NEGR1: variants seen among roughly 807,000 people sequenced by gnomAD.
NEGR1 encodes IgLON family member 4.
A neutral mutation model predicts 40.9 loss-of-function variants in NEGR1; 10 were observed. The observed-to-expected ratio is 0.24, with a 90% CI of 0.15 to 0.42. The LOEUF (loss-of-function observed/expected upper bound fraction) is 0.42, where lower values mean the gene tolerates loss of function less well. NEGR1 is among the 10% of genes least tolerant of loss of function. The pLI, the probability that NEGR1 is intolerant of heterozygous loss-of-function variation, is 1.00. For synonymous variants in NEGR1, 185 were observed against 166.8 expected (o/e 1.11, Z -0.84); for missense variants, 352 against 438.9 (o/e 0.80, Z 1.77).
chr1:71,564,486 C>T (rs368287123), intron 6 of NEGR1, among the ~76,000 whole-genome samples: 12 of 152,154 alleles, frequency 7.9e-5, no homozygotes, highest in African/African-American at 2.9e-4. Flanking sequence ...AAAAGCTCTG[C>T]TTCCTTTGGA....
intron 3 of NEGR1, among the ~76,000 whole-genome samples, chr1:71,723,423 G>T (rs1654574742): frequency 6.6e-6 from 1 of 152,020 alleles, no homozygotes; most frequent in African/African-American, 2.4e-5. Context: ...AGCTCCACCT[G>T]CCAGTCTTTG....
chr1:71,674,442 C>T (rs1652540210), intron 4 of NEGR1, among the ~76,000 whole-genome samples: 1 of 152,152 alleles, frequency 6.6e-6, no homozygotes, highest in South Asian at 2.1e-4. Context: ...CTGAACTATT[C>T]CTTTCTCATA....
intron 2 of NEGR1, among the ~76,000 whole-genome samples, chr1:71,880,952 T>G (rs934254142): frequency 3.3e-5 from 5 of 152,056 alleles, no homozygotes; most frequent in African/African-American, 4.8e-5. Context: ...AGGCAACATA[T>G]TCAATAAATG....
chr1:72,007,221 T>G (rs2100393704), intron 1 of NEGR1, among the ~76,000 whole-genome samples: 1 of 152,230 alleles, frequency 6.6e-6, no homozygotes, highest in East Asian at 1.9e-4. Context: ...CTTGGCCATA[T>G]TAATAAGCTT....
At chr1:71,937,779 T>A (rs901620276) in intron 1 of NEGR1, among the ~76,000 whole-genome samples, 1 of 152,176 alleles carries the variant, frequency 6.6e-6, no homozygotes, top group African/African-American at 2.4e-5. Context: ...TGTCCTAGTA[T>A]AAAGGAAGCA....
chr1:71,415,871 T>A (rs1646351415), intron 6 of NEGR1, among the ~76,000 whole-genome samples: 1 of 152,178 alleles, frequency 6.6e-6, no homozygotes, highest in South Asian at 2.1e-4. Context: ...TGCAAATGGG[T>A]TTCTATGTAA....
chr1:72,246,591 G>T (rs1160993856), intron 1 of NEGR1, among the ~76,000 whole-genome samples: 1 of 152,116 alleles, frequency 6.6e-6, no homozygotes, highest in Non-Finnish European at 1.5e-5. Context: ...ACATCTATTT[G>T]CCATTGCCTT....
In NEGR1 at chr1:72,149,024, A is replaced by G. The variant is rs959405885; in HGVS notation, c.176+133295T>C. 2.2e-4 allele frequency among the ~76,000 whole-genome samples: 34 copies of G among 152,120 alleles called. 1 individual carries two copies. Among genetic ancestry groups the G allele is most frequent in the Admixed American group, 2.2e-3 (34 of 15,260 alleles). ...CCCCCCTGCAACTTTACTGGTACCA[A>G]TTTACTCTATTAGTTCACTTTCATG... On this transcript the variant is annotated intron_variant, in intron 1 of 6. Coordinates refer to ENST00000357731, the MANE Select transcript of NEGR1 (RefSeq NM_173808.3).
At chr1:72,272,849 G>A (rs764636648) in intron 1 of NEGR1, among the ~76,000 whole-genome samples, 1 of 151,922 alleles carries the variant, frequency 6.6e-6, no homozygotes, top group Non-Finnish European at 1.5e-5. Context: ...TCCCTAAATT[G>A]AGTAAATTAC....
chr1:71,575,853 G>A (rs1469377311), intron 6 of NEGR1, among the ~76,000 whole-genome samples: 1 of 152,090 alleles, frequency 6.6e-6, no homozygotes, highest in Non-Finnish European at 1.5e-5. Flanking sequence ...TTTCCCTAAT[G>A]TTATTAACAA....
At chr1:71,596,758 T>C (rs2101526275) in intron 5 of NEGR1, among the ~76,000 whole-genome samples, 2 of 152,342 alleles carry the variant, frequency 1.3e-5, no homozygotes, top group East Asian at 3.9e-4. Context: ...TAACAACAGA[T>C]ATCTCTAGAG....
intron 1 of NEGR1, among the ~76,000 whole-genome samples, chr1:72,118,868 T>C (rs1262151174): frequency 1.3e-5 from 2 of 151,762 alleles, no homozygotes; most frequent in African/African-American, 2.4e-5. Context: ...AACCAAATTT[T>C]AAATAAATGT....
At chr1:71,586,592 G>C (rs1214499644) in intron 6 of NEGR1, among the ~76,000 whole-genome samples, 1 of 152,088 alleles carries the variant, frequency 6.6e-6, no homozygotes, top group African/African-American at 2.4e-5. Context: ...TTTCACTAGA[G>C]GCAATTTGGT....
At chr1:72,024,581 T>C (rs539794402) in intron 1 of NEGR1, among the ~76,000 whole-genome samples, 3 of 152,172 alleles carry the variant, frequency 2.0e-5, no homozygotes, top group Admixed American at 6.5e-5. Flanking sequence ...TATTAGGCAA[T>C]GCAAACAAAA....
intron 6 of NEGR1, chr1:71,421,312 A>T (rs576732030): frequency 2.0e-5 from 3 of 152,244 alleles, no homozygotes; most frequent in East Asian, 3.9e-4. Flanking sequence ...GAAAATTAGC[A>T]TTCAGACATC....
chr1:71,399,736 A>G lies in NEGR1; in HGVS notation c.*7710T>C, dbSNP rs1028033151. On this transcript the variant is annotated 3_prime_UTR_variant, in exon 7 of 7. Coordinates refer to ENST00000357731, the MANE Select transcript of NEGR1 (RefSeq NM_173808.3). ...TTAAGGAGTATGTCAAAAATGAGCT[A>G]TTGAACACATTTTTGCCAGGTCACT... The G allele has an allele frequency of 5.3e-5, 8 of 152,324 alleles. No individual in the cohort carries two copies. The highest frequency in any genetic ancestry group is 3.4e-3 in the Middle Eastern group (1 of 294). 9.4% of individuals were successfully genotyped at this position (152,324 alleles called of 1,614,324 possible).
At chr1:71,698,206 T>C in intron 3 of NEGR1, 67 bp from the exon 4 acceptor site, 1 of 1,393,296 alleles carries the variant, frequency 7.2e-7, no homozygotes, top group African/African-American at 1.4e-5. Flanking sequence ...AAACAACAAT[T>C]TCATGACTTC....
chr1:71,772,504 A>T lies in NEGR1; in HGVS notation c.535+3668T>A, dbSNP rs983591411. Among the ~76,000 whole-genome samples, 3 of 152,146 alleles carry T rather than the reference A, an allele frequency of 2.0e-5. 1 individual carries two copies. The highest frequency in any genetic ancestry group is 2.0e-4 in the Admixed American group (3 of 15,268). ...TTAAATTAGAGGAGCCTAAACTGTT[A>T]TGTCAAATACATGCAATACAGAGTT... On this transcript the variant is annotated intron_variant, in intron 3 of 6. Transcript: ENST00000357731.
chr1:71,659,412 G>A (rs1455094027), intron 4 of NEGR1, among the ~76,000 whole-genome samples: 1 of 152,158 alleles, frequency 6.6e-6, no homozygotes, highest in Non-Finnish European at 1.5e-5. Context: ...ACTGGACATA[G>A]GGGTGGGCAA....
Sources: gnomAD v4.1 joint callset for allele counts (sites outside exome capture counted in the v4.1 genomes callset) on GRCh38, gnomAD v4.1.1 for gene constraint, MANE v1.5 for transcripts, NCBI Gene and HGNC (gene_info 2026-07-23, HGNC 2026-07-21) for gene names.